DENND1A: variants seen among roughly 807,000 people sequenced by gnomAD.
DENND1A encodes the protein DENN domain containing 1A, also known as DENN domain-containing protein 1A.
In DENND1A, 51 loss-of-function variants were observed where a neutral mutation model predicts 113.7. That is an observed-to-expected ratio of 0.45 (90% confidence interval 0.36 to 0.57). DENND1A has a LOEUF of 0.57. Among genes scored for constraint, DENND1A ranks in the 20% least tolerant of loss-of-function variants. The pLI is 0.00. For missense variants in DENND1A, 1,258 were observed against 1,395.9 expected, an observed-to-expected ratio of 0.90 and a Z score of 1.57; for synonymous variants, 565 against 570.8, an observed-to-expected ratio of 0.99 and a Z score of 0.14.
chr9:123,387,126 G>A (rs1469119099), intron 22 of DENND1A, among the ~76,000 whole-genome samples: 1 of 152,196 alleles, frequency 6.6e-6, no homozygotes, highest in Non-Finnish European at 1.5e-5. Flanking sequence ...TGGGTGGAGG[G>A]GCAAGAACGG....
At chr9:123,601,623 C>T (rs953555626) in intron 11 of DENND1A, among the ~76,000 whole-genome samples, 1 of 152,184 alleles carries the variant, frequency 6.6e-6, no homozygotes, top group African/African-American at 2.4e-5. Flanking sequence ...CAATCTCCAC[C>T]CAGGGTTTCA....
chr9:123,784,765 G>A (rs374306131), intron 3 of DENND1A, among the ~76,000 whole-genome samples: 5 of 152,268 alleles, frequency 3.3e-5, no homozygotes, highest in African/African-American at 7.2e-5. Flanking sequence ...ATAGCTTGGC[G>A]TGCTTTCAGA....
chr9:123,572,175 C>A (rs191792420), intron 12 of DENND1A, among the ~76,000 whole-genome samples: 5 of 152,304 alleles, frequency 3.3e-5, no homozygotes, highest in Admixed American at 3.3e-4. Context: ...TCAGCTGTTT[C>A]TAGCTTTATA....
chr9:123,567,147 C>A (rs1219950620), intron 12 of DENND1A, among the ~76,000 whole-genome samples: 3 of 152,092 alleles, frequency 2.0e-5, no homozygotes, highest in East Asian at 3.9e-4. Context: ...GAAGGGTTTT[C>A]CCCCCATACT....
intron 13 of DENND1A, among the ~76,000 whole-genome samples, chr9:123,498,136 G>T (rs754170686): frequency 1.9e-4 from 29 of 152,322 alleles, no homozygotes; most frequent in Non-Finnish European, 2.9e-4. Flanking sequence ...TAGCCACTGG[G>T]GAATTCTAAT....
chr9:123,688,869 C>A lies in DENND1A; in HGVS notation c.303-12080G>T, dbSNP rs564706665. Among the ~76,000 whole-genome samples the A allele has an allele frequency of 7.9e-5, 12 of 152,022 alleles. 1 individual carries two copies. The South Asian group carries it at 2.5e-3, about 32-fold the overall frequency. On this transcript the variant is annotated intron_variant, in intron 5 of 23. Coordinates refer to ENST00000394215, the MANE Select transcript of DENND1A (RefSeq NM_001352964.2). The stretch of plus-strand genomic sequence containing the variant: ...TTATTATAAGCCATGAAAAGCAGTC[C>A]ATAATGTTACAAAACCCTAATTTGT...
chr9:123,846,135 C>T (rs1842582704), intron 2 of DENND1A, among the ~76,000 whole-genome samples: 1 of 152,088 alleles, frequency 6.6e-6, no homozygotes, highest in African/African-American at 2.4e-5. Context: ...ATCAAAATAA[C>T]AATGATATGT....
At chr9:123,540,703 G>A (rs1257103880) in intron 13 of DENND1A, among the ~76,000 whole-genome samples, 8 of 152,172 alleles carry the variant, frequency 5.3e-5, no homozygotes, top group African/African-American at 1.4e-4. Flanking sequence ...CCAGAGAGAC[G>A]AAAGAAACAG....
chr9:123,391,682 T>A (rs2042851366), intron 21 of DENND1A, among the ~76,000 whole-genome samples: 1 of 146,148 alleles, frequency 6.8e-6, no homozygotes, highest in Non-Finnish European at 1.5e-5. Flanking sequence ...AAACATACAG[T>A]CAGATATTTG....
intron 1 of DENND1A, among the ~76,000 whole-genome samples, chr9:123,892,668 A>G (rs553063864): frequency 1.1e-4 from 16 of 152,318 alleles, no homozygotes; most frequent in African/African-American, 3.8e-4. Flanking sequence ...GCACACATTT[A>G]CCTATGTAAC....
rs145134997 is a variant in DENND1A, at chr9:123,675,406, A to T, written c.372+1314T>A. Among the ~76,000 whole-genome samples, 898 of 152,298 alleles carry T rather than the reference A, an allele frequency of 5.9e-3. 3 individuals are homozygous for T. The highest frequency in any genetic ancestry group is 8.0e-3 in the Non-Finnish European group (542 of 68,008). On this transcript the variant is annotated intron_variant, in intron 6 of 23. Coordinates refer to ENST00000394215, the MANE Select transcript of DENND1A (RefSeq NM_001352964.2). ...ACTTCGTAGAGCTTACATTAAATGAATCTTAAGGAGATGAAAATGAAACAC... is the reference window on the plus strand; with the variant it reads ...ACTTCGTAGAGCTTACATTAAATGATTCTTAAGGAGATGAAAATGAAACAC...
rs776809054 is a variant in DENND1A at position 123,792,658 on chromosome 9, T to C, written c.89-28A>G. 5.6e-6 allele frequency: 9 copies of C among 1,612,182 alleles called. No individual in the cohort carries two copies. The Admixed American group carries it at 1.2e-4, about 21-fold the overall frequency. On this transcript the variant is annotated intron_variant, in intron 2 of 23. Coordinates refer to ENST00000394215, the MANE Select transcript of DENND1A (RefSeq NM_001352964.2). ...GTAAATAATTGACAGATAATATTAA[T>C]TGGCTTTGGATTAGTGAGCAAGCAG...
chr9:123,469,470 C>T (rs549841275), intron 13 of DENND1A, among the ~76,000 whole-genome samples: 3 of 152,350 alleles, frequency 2.0e-5, no homozygotes, highest in East Asian at 1.9e-4. Context: ...ACAGGCGTGT[C>T]GGCCCACGCC....
intron 10 of DENND1A, among the ~76,000 whole-genome samples, chr9:123,618,736 T>A (rs2060785257): frequency 6.6e-6 from 1 of 152,188 alleles, no homozygotes; most frequent in Non-Finnish European, 1.5e-5. Context: ...TTGTCTTCTT[T>A]AACCCTGAAA....
At chr9:123,642,282 C>G (rs187853984) in intron 9 of DENND1A, among the ~76,000 whole-genome samples, 1 of 152,366 alleles carries the variant, frequency 6.6e-6, no homozygotes, top group Admixed American at 6.5e-5. Flanking sequence ...ACCCACCAAT[C>G]TTCTCTCCTA....
intron 21 of DENND1A, among the ~76,000 whole-genome samples, chr9:123,391,554 C>A (rs2042845662): frequency 6.6e-6 from 1 of 152,098 alleles, no homozygotes; most frequent in Non-Finnish European, 1.5e-5. Context: ...CTTGCCTCTT[C>A]AGTTTTCTGG....
At chr9:123,504,661 C>T (rs185453430) in intron 13 of DENND1A, among the ~76,000 whole-genome samples, 91 of 152,292 alleles carry the variant, frequency 6.0e-4, no homozygotes, top group East Asian at 2.7e-3. Context: ...CTTTGGAGAC[C>T]TGCTGACCCC....
At chr9:123,596,545 A>T (rs898771304) in intron 11 of DENND1A, among the ~76,000 whole-genome samples, 1 of 152,210 alleles carries the variant, frequency 6.6e-6, no homozygotes, top group East Asian at 1.9e-4. Flanking sequence ...ATCATAGAGT[A>T]TCAGAGTTAA....
intron 12 of DENND1A, among the ~76,000 whole-genome samples, chr9:123,574,030 A>G (rs1264068105): frequency 6.6e-6 from 1 of 151,874 alleles, no homozygotes; most frequent in Admixed American, 6.6e-5. Flanking sequence ...TACTGATATA[A>G]TAGATTACAT....
Sources: allele counts gnomAD v4.1 joint callset (sites outside exome capture counted in the v4.1 genomes callset), GRCh38; gene constraint gnomAD v4.1.1; transcripts MANE v1.5; gene names NCBI Gene and HGNC (gene_info 2026-07-23, HGNC 2026-07-21).